KIAA1217: variants seen among roughly 807,000 people sequenced by gnomAD.
KIAA1217 encodes the protein sickle tail protein homolog.
In KIAA1217, 88 loss-of-function variants were observed where a neutral mutation model predicts 163.9. That is an observed-to-expected ratio of 0.54 (90% CI 0.45 to 0.64). The LOEUF (loss-of-function observed/expected upper bound fraction) is 0.64. KIAA1217 is among the 30% of genes least tolerant of loss of function. KIAA1217 has a pLI of 0.00. For missense variants in KIAA1217, 2,372 were observed against 2,475.0 expected (o/e 0.96, Z 0.88); for synonymous variants, 903 against 923.1 (o/e 0.98, Z 0.39).
At position 24,167,112 on chromosome 10, in the gene KIAA1217, T is replaced by A. The variant is rs567061597; in HGVS notation, c.-170-52514T>A. On this transcript the variant is annotated intron_variant, in intron 2 of 18. Coordinates refer to the KIAA1217 transcript ENST00000376462. Reference sequence around the variant, plus strand: ...AAAACAGGAAGCACACTTACTTTTTTAAAAAATATATTGAATGACAGTCAA... The same window carrying A: ...AAAACAGGAAGCACACTTACTTTTTAAAAAAATATATTGAATGACAGTCAA... Among the ~76,000 whole-genome samples the A allele has an allele frequency of 2.0e-5, 3 of 152,178 alleles. 1 individual carries two copies. The highest frequency in any genetic ancestry group is 1.3e-4 in the Admixed American group (2 of 15,276).
chr10:23,846,206 G>T (rs79036013), intron 1 of KIAA1217, among the ~76,000 whole-genome samples: 2 of 152,118 alleles, frequency 1.3e-5, no homozygotes, highest in Admixed American at 1.3e-4. Context: ...GATTGTCTTG[G>T]CTGTGTGGGC....
At chr10:24,306,130 A>G (rs2132859113) in intron 2 of KIAA1217, among the ~76,000 whole-genome samples, 1 of 152,354 alleles carries the variant, frequency 6.6e-6, no homozygotes, top group Middle Eastern at 3.4e-3. Flanking sequence ...GTTTTATCAG[A>G]AAATATACAT....
At chr10:23,921,379 A>T (rs899081250) in intron 1 of KIAA1217, among the ~76,000 whole-genome samples, 4 of 152,176 alleles carry the variant, frequency 2.6e-5, no homozygotes, top group African/African-American at 9.6e-5. Flanking sequence ...CATCAGAGAG[A>T]GAACTTGTGT....
At chr10:23,747,411 G>T (rs188593602) in intron 1 of KIAA1217, among the ~76,000 whole-genome samples, 1 of 152,060 alleles carries the variant, frequency 6.6e-6, no homozygotes, top group Non-Finnish European at 1.5e-5. Context: ...ATGATAATGG[G>T]GTGGGTTTCA....
intron 1 of KIAA1217, among the ~76,000 whole-genome samples, chr10:23,973,164 T>C (rs988720896): frequency 6.3e-5 from 7 of 111,194 alleles, no homozygotes; most frequent in Non-Finnish European, 1.2e-4. Flanking sequence ...CAGCTAATAC[T>C]GATGAATTTA....
intron 2 of KIAA1217, among the ~76,000 whole-genome samples, chr10:24,195,604 A>G (rs1412273548): frequency 5.3e-5 from 8 of 152,174 alleles, no homozygotes; most frequent in African/African-American, 1.9e-4. Flanking sequence ...CACTAAGATA[A>G]TATGTGAAAA....
At chr10:24,534,057 G>A (rs2135144622) in intron 16 of KIAA1217, among the ~76,000 whole-genome samples, 1 of 152,288 alleles carries the variant, frequency 6.6e-6, no homozygotes, top group South Asian at 2.1e-4. Context: ...CCAGCACCTT[G>A]GGGCTCAAAA....
At chr10:23,990,219 T>C (rs1475209013) in intron 1 of KIAA1217, among the ~76,000 whole-genome samples, 5 of 152,156 alleles carry the variant, frequency 3.3e-5, no homozygotes, top group Non-Finnish European at 7.4e-5. Context: ...TTAAATGTAT[T>C]CTCTTCTAAC....
intron 2 of KIAA1217, among the ~76,000 whole-genome samples, chr10:24,114,683 A>C (rs2062982822): frequency 2.0e-5 from 3 of 152,220 alleles, no homozygotes; most frequent in African/African-American, 7.2e-5. Context: ...CCTTCAATCC[A>C]TTCTCAACAG....
In KIAA1217 at chr10:24,227,555, CAG is replaced by C. The variant is rs375293415; in HGVS notation, c.354+7649_354+7650del. On this transcript the variant is annotated intron_variant, in intron 2 of 20. Coordinates refer to ENST00000376454, the MANE Select transcript of KIAA1217 (RefSeq NM_019590.5). Reference sequence around the variant, plus strand: ...CACTTTTTTTTTCTTTTTTTTGAGTCAGAGTCTTGCTCTGTTGCCCAGGCTGG... The same window carrying C: ...CACTTTTTTTTTCTTTTTTTTGAGTCAGTCTTGCTCTGTTGCCCAGGCTGG... Among the ~76,000 whole-genome samples, 1,043 of 150,016 alleles carry C rather than the reference CAG, an allele frequency of 7.0e-3. 11 individuals are homozygous for C. The highest frequency in any genetic ancestry group is 0.025 in the African/African-American group (995 of 40,586).
At chr10:24,292,354 A>T (rs1252035582) in intron 2 of KIAA1217, among the ~76,000 whole-genome samples, 3 of 152,200 alleles carry the variant, frequency 2.0e-5, no homozygotes, top group Non-Finnish European at 4.4e-5. Context: ...GTATTTCTCT[A>T]TTCCAAATAC....
At chr10:24,468,492 G>A (rs547878947) in intron 5 of KIAA1217, among the ~76,000 whole-genome samples, 33 of 152,342 alleles carry the variant, frequency 2.2e-4, no homozygotes, top group African/African-American at 7.7e-4. Flanking sequence ...AGTCACCTGT[G>A]TTGATAGAGA....
chr10:24,323,592 T>C (rs1043878442), intron 2 of KIAA1217, among the ~76,000 whole-genome samples: 2 of 152,198 alleles, frequency 1.3e-5, no homozygotes, highest in Non-Finnish European at 2.9e-5. Flanking sequence ...TGAAGCGCAG[T>C]TTGCAAACAG....
intron 1 of KIAA1217, among the ~76,000 whole-genome samples, chr10:23,866,944 A>T (rs1036039908): frequency 6.0e-5 from 9 of 150,572 alleles, no homozygotes; most frequent in African/African-American, 2.2e-4. Context: ...GGTGTGCTGC[A>T]CCCATTAACT....
chr10:24,301,688 A>AT lies in KIAA1217; in HGVS notation c.355-79172dup, dbSNP rs374894650. On this transcript the variant is annotated intron_variant, in intron 2 of 20. Coordinates refer to ENST00000376454, the MANE Select transcript of KIAA1217 (RefSeq NM_019590.5). ...GCTTGCAAAAAATGTTTATTTACTT[A>AT]TTTTTTTTTAAAGGCAACAGAAGTT... Among the ~76,000 whole-genome samples, 434 of 151,520 alleles carry AT rather than the reference A, an allele frequency of 2.9e-3. 4 individuals are homozygous for AT. The highest frequency in any genetic ancestry group is 9.6e-3 in the African/African-American group (398 of 41,346).
chr10:23,980,098 AG>A (rs1174633670), intron 1 of KIAA1217, among the ~76,000 whole-genome samples: 1 of 152,044 alleles, frequency 6.6e-6, no homozygotes, highest in Non-Finnish European at 1.5e-5. Context: ...GGTCCTTTGC[AG>A]ATTCTCATTT....
At chr10:23,851,764 T>C (rs1435735106) in intron 1 of KIAA1217, among the ~76,000 whole-genome samples, 2 of 150,724 alleles carry the variant, frequency 1.3e-5, no homozygotes, top group Non-Finnish European at 3.0e-5. Context: ...TGATGGCCAG[T>C]GATGGTGAGC....
chr10:24,226,472 A>C (rs536450257), intron 2 of KIAA1217, among the ~76,000 whole-genome samples: 4 of 151,924 alleles, frequency 2.6e-5, no homozygotes, highest in African/African-American at 9.6e-5. Context: ...TAAAAAAAAA[A>C]AAATACAAAA....
chr10:23,810,971 T>A lies in KIAA1217; in HGVS notation c.-321+115737T>A, dbSNP rs575775669. ...TATTATATAATATATATAGTATATA[T>A]TATATACTATAGTATATATACTATA... On this transcript the variant is annotated intron_variant, in intron 1 of 18. Coordinates refer to the KIAA1217 transcript ENST00000376462. Among the ~76,000 whole-genome samples the A allele has an allele frequency of 7.3e-3, 861 of 118,696 alleles. 10 individuals carry two copies. Among genetic ancestry groups the A allele is most frequent in the African/African-American group, 0.027 (768 of 28,400 alleles). 77.9% of individuals were successfully genotyped at this position (118,696 alleles called of 152,430 possible).
Sources: allele counts gnomAD v4.1 joint callset (sites outside exome capture counted in the v4.1 genomes callset), GRCh38; gene constraint gnomAD v4.1.1; transcripts MANE v1.5; gene names NCBI Gene and HGNC (gene_info 2026-07-23, HGNC 2026-07-21).